NEGR1: variants seen among roughly 807,000 people sequenced by gnomAD.
The protein encoded by NEGR1 is neuronal growth regulator 1.
Under a neutral mutation model 40.9 loss-of-function variants are expected in NEGR1, and 10 were observed. The ratio of observed to expected loss-of-function variants is 0.24; its 90% CI spans 0.15 to 0.42. NEGR1 has a LOEUF of 0.42. Ranked by LOEUF, NEGR1 falls within the 10% of genes least tolerant of loss-of-function variation. The pLI, the probability that NEGR1 is intolerant of heterozygous loss-of-function variation, is 1.00. For missense variants in NEGR1, 352 were observed against 438.9 expected, an observed-to-expected ratio of 0.80 and a Z score of 1.77; for synonymous variants, 185 against 166.8, an observed-to-expected ratio of 1.11 and a Z score of -0.84.
chr1:71,751,565 T>C (rs1406146613), intron 3 of NEGR1, among the ~76,000 whole-genome samples: 1 of 152,208 alleles, frequency 6.6e-6, no homozygotes, highest in African/African-American at 2.4e-5. Flanking sequence ...TGTTTGTTTC[T>C]TGTGCTTTCT....
chr1:71,423,299 G>A (rs1223855990), intron 6 of NEGR1, among the ~76,000 whole-genome samples: 1 of 152,150 alleles, frequency 6.6e-6, no homozygotes, highest in East Asian at 1.9e-4. Context: ...AGAGGCTGTG[G>A]TGAGAGGATT....
intron 1 of NEGR1, among the ~76,000 whole-genome samples, chr1:72,022,376 A>T (rs1288527520): frequency 2.0e-5 from 3 of 147,988 alleles, no homozygotes; most frequent in Admixed American, 6.8e-5. Context: ...GTTTCTATTT[A>T]GTGATATGGT....
intron 6 of NEGR1, among the ~76,000 whole-genome samples, chr1:71,461,048 C>T (rs1646711135): frequency 6.6e-6 from 1 of 152,054 alleles, no homozygotes; most frequent in African/African-American, 2.4e-5. Context: ...ACTTTCTACT[C>T]AGGGCTTACT....
At chr1:72,139,347 CAAACA>C (rs1471198168) in intron 1 of NEGR1, among the ~76,000 whole-genome samples, 11 of 148,788 alleles carry the variant, frequency 7.4e-5, no homozygotes, top group Admixed American at 5.4e-4. Flanking sequence ...GAAAAAACAA[CAAACA>C]AAAGTTAGTG....
At chr1:71,524,990 G>A (rs1350300688) in intron 6 of NEGR1, among the ~76,000 whole-genome samples, 2 of 151,672 alleles carry the variant, frequency 1.3e-5, no homozygotes, top group Admixed American at 6.6e-5. Context: ...CTGACATCTT[G>A]ATTTTAGTCA....
intron 6 of NEGR1, among the ~76,000 whole-genome samples, chr1:71,511,831 A>T (rs528326447): frequency 6.6e-6 from 1 of 152,370 alleles, no homozygotes; most frequent in South Asian, 2.1e-4. Flanking sequence ...CTATGTATTG[A>T]GAAAACATAA....
intron 1 of NEGR1, among the ~76,000 whole-genome samples, chr1:72,167,334 CTAT>C (rs1651804462): frequency 6.6e-6 from 1 of 151,978 alleles, no homozygotes; most frequent in East Asian, 1.9e-4. Flanking sequence ...TAACATACTC[CTAT>C]TTATGTATAA....
At chr1:72,069,420 G>C (rs996562182) in intron 1 of NEGR1, among the ~76,000 whole-genome samples, 3 of 151,600 alleles carry the variant, frequency 2.0e-5, no homozygotes, top group African/African-American at 7.3e-5. Flanking sequence ...CTCCAGCTTG[G>C]GTGACACAGC....
intron 1 of NEGR1, among the ~76,000 whole-genome samples, chr1:71,964,480 G>C (rs1646194268): frequency 6.6e-6 from 1 of 152,228 alleles, no homozygotes; most frequent in East Asian, 1.9e-4. Flanking sequence ...CTGAGGCTTT[G>C]ATTCCTACCT....
chr1:72,034,052 A>G (rs905462261), intron 1 of NEGR1, among the ~76,000 whole-genome samples: 2 of 152,222 alleles, frequency 1.3e-5, no homozygotes, highest in African/African-American at 4.8e-5. Context: ...GTATTTCAGG[A>G]AGGTGAAACA....
intron 1 of NEGR1, among the ~76,000 whole-genome samples, chr1:72,135,565 A>C (rs1458555683): frequency 1.3e-5 from 2 of 152,154 alleles, no homozygotes; most frequent in Non-Finnish European, 2.9e-5. Context: ...TCCAGGCTGC[A>C]GCACAGGAAA....
chr1:71,546,997 C>T (rs753000938), intron 6 of NEGR1, among the ~76,000 whole-genome samples: 44 of 151,650 alleles, frequency 2.9e-4, no homozygotes, highest in Non-Finnish European at 4.9e-4. Flanking sequence ...TAGAGAGAGG[C>T]TGGCAAGTTG....
chr1:71,902,257 C>A (rs184846956), intron 2 of NEGR1, among the ~76,000 whole-genome samples: 2 of 152,010 alleles, frequency 1.3e-5, no homozygotes, highest in East Asian at 3.9e-4. Flanking sequence ...AAAATAAGAG[C>A]GCAGTATGTG....
chr1:71,595,542 C>A (rs560621599), intron 5 of NEGR1, among the ~76,000 whole-genome samples: 1 of 152,190 alleles, frequency 6.6e-6, no homozygotes, highest in South Asian at 2.1e-4. Context: ...CTGGAGAGTT[C>A]TGGGGTATGA....
At chr1:71,497,113 A>T (rs1356205624) in intron 6 of NEGR1, among the ~76,000 whole-genome samples, 2 of 152,128 alleles carry the variant, frequency 1.3e-5, no homozygotes, top group African/African-American at 4.8e-5. Flanking sequence ...TTAATATTGA[A>T]ATTTCCAGTA....
At chr1:71,721,435 G>A (rs528902363) in intron 3 of NEGR1, among the ~76,000 whole-genome samples, 1 of 152,056 alleles carries the variant, frequency 6.6e-6, no homozygotes, top group South Asian at 2.1e-4. Flanking sequence ...GGGAATATAA[G>A]GGTGAACAGG....
chr1:72,141,258 G>T (rs926560842), intron 1 of NEGR1, among the ~76,000 whole-genome samples: 1 of 151,840 alleles, frequency 6.6e-6, no homozygotes, highest in Non-Finnish European at 1.5e-5. Context: ...CCATCCTGTG[G>T]AGATATAAGA....
At chr1:71,805,506 C>T (rs1251067625) in intron 2 of NEGR1, among the ~76,000 whole-genome samples, 1 of 152,108 alleles carries the variant, frequency 6.6e-6, no homozygotes, top group East Asian at 1.9e-4. Context: ...AGATAAGAAC[C>T]TACGTGAAAC....
At chr1:71,439,902 G>A (rs1456824541) in intron 6 of NEGR1, 1 of 151,666 alleles carries the variant, frequency 6.6e-6, no homozygotes, top group Admixed American at 6.6e-5. Flanking sequence ...ATTTTGGTCT[G>A]TTCTTGTTTT....
Sources: gnomAD v4.1 joint callset for allele counts (sites outside exome capture counted in the v4.1 genomes callset) on GRCh38, gnomAD v4.1.1 for gene constraint, MANE v1.5 for transcripts, NCBI Gene and HGNC (gene_info 2026-07-23, HGNC 2026-07-21) for gene names.